The following INTS6 variants were observed in gnomAD, a reference collection of about 807,000 sequenced individuals.
INTS6 encodes DEAD box protein.
In INTS6, 16 loss-of-function variants were observed where a neutral mutation model predicts 104.9. That is an observed-to-expected ratio of 0.15 (90% CI 0.10 to 0.23). The LOEUF (loss-of-function observed/expected upper bound fraction) is 0.23, where lower values mean the gene tolerates loss of function less well. Ranked by LOEUF, INTS6 falls within the 10% of genes least tolerant of loss-of-function variation. The pLI is 1.00. For missense variants in INTS6, 584 were observed against 1,062.8 expected (o/e 0.55, Z 6.26); for synonymous variants, 324 against 358.7 (o/e 0.90, Z 1.09).
At chr13:51,392,523 C>T (rs1956261848) in intron 5 of INTS6, among the ~76,000 whole-genome samples, 1 of 152,244 alleles carries the variant, frequency 6.6e-6, no homozygotes, top group Non-Finnish European at 1.5e-5. Context: ...GCTAGCCTTC[C>T]TGTTGCTTCC....
At chr13:51,401,029 T>C (rs1017774911) in intron 4 of INTS6, among the ~76,000 whole-genome samples, 2 of 152,214 alleles carry the variant, frequency 1.3e-5, no homozygotes, top group African/African-American at 4.8e-5. Flanking sequence ...CAAGTAGTTA[T>C]CTGTACCTCT....
At chr13:51,377,864 A>G (rs1440045076) in intron 12 of INTS6, among the ~76,000 whole-genome samples, 2 of 152,154 alleles carry the variant, frequency 1.3e-5, no homozygotes, top group East Asian at 3.8e-4. Flanking sequence ...GCTGGGATAA[A>G]GATATCTGTA....
In INTS6 at chr13:51,405,622, A is replaced by ATTCAGAGTC. The variant is rs1487970387; in HGVS notation, c.430-10148_430-10140dup. Among the ~76,000 whole-genome samples, 20 of 152,270 alleles carry ATTCAGAGTC rather than the reference A, an allele frequency of 1.3e-4. 1 individual carries two copies. The East Asian group carries it at 2.7e-3, about 21-fold the overall frequency. ...ACAGTACTCCGAAGCACTCAAAGGT[A>ATTCAGAGTC]TTCAGAGTCTAAGTCTTACTAGGCC... On this transcript the variant is annotated intron_variant, in intron 4 of 17. Transcript: ENST00000311234.
At chr13:51,375,749 G>GTGTC (rs1955913270) in intron 13 of INTS6, among the ~76,000 whole-genome samples, 1 of 150,880 alleles carries the variant, frequency 6.6e-6, no homozygotes, top group Admixed American at 6.6e-5. Flanking sequence ...GTGTGTGTGT[G>GTGTC]TGTGTGTGTG....
chr13:51,353,910 C>G (rs768948778), downstream of INTS6, among the ~76,000 whole-genome samples: 2 of 151,944 alleles, frequency 1.3e-5, no homozygotes, highest in Non-Finnish European at 2.9e-5. Flanking sequence ...TATCAGCAGC[C>G]CTTTTAAAGT....
chr13:51,387,360 A>T (rs768660082), intron 7 of INTS6, 26 bp downstream of exon 7: 1 of 1,576,658 alleles, frequency 6.3e-7, no homozygotes, highest in South Asian at 1.2e-5. Flanking sequence ...GGTTACTATT[A>T]CATAGTTACA....
chr13:51,347,026 TG>T, the INTS6 span: 2 of 1,574,516 alleles, frequency 1.3e-6, no homozygotes, highest in South Asian at 1.2e-5. Context: ...TGCTTGCAGG[TG>T]GGGGCCCCAG....
At chr13:51,437,950 A>G (rs1209245312) in intron 3 of INTS6, 1 of 152,264 alleles carries the variant, frequency 6.6e-6, no homozygotes, top group Non-Finnish European at 1.5e-5. Context: ...CAGAGATTAC[A>G]GTAAGCCAAG....
intron 3 of INTS6, chr13:51,437,173 T>A (rs1952706684): frequency 1.3e-5 from 2 of 152,202 alleles, no homozygotes; most frequent in South Asian, 4.1e-4. Flanking sequence ...TGTAAACATA[T>A]TTTCAAAGAT....
At chr13:51,407,329 G>A (rs1453327246) in intron 4 of INTS6, among the ~76,000 whole-genome samples, 1 of 152,172 alleles carries the variant, frequency 6.6e-6, no homozygotes, top group Non-Finnish European at 1.5e-5. Flanking sequence ...AGTTGTGAAG[G>A]GCACTGAGCA....
chr13:51,451,194 ATTTT>A lies in INTS6; in HGVS notation c.190-24_190-21del. The A allele has an allele frequency of 2.3e-6, 3 of 1,311,490 alleles. No individual in the cohort carries two copies. The highest frequency in any genetic ancestry group is 3.1e-6 in the Non-Finnish European group (3 of 977,152). The allele number at this position is 1,311,490 out of a possible 1,614,324, so 81.2% of individuals were successfully genotyped here. A position where few individuals can be genotyped will look rare whatever the true frequency, so the allele number is the denominator to read the frequency against. On this transcript the variant is annotated intron_variant, in intron 2 of 17. Coordinates refer to ENST00000311234, the MANE Select transcript of INTS6 (RefSeq NM_012141.3). Reference sequence around the variant, plus strand: ...TCCAGCCTGAAAAGAAAAATGTAAGATTTTTTTTTTTCATTTTTTAAAGCCATGT... The same window carrying A: ...TCCAGCCTGAAAAGAAAAATGTAAGATTTTTTTCATTTTTTAAAGCCATGT...
At chr13:51,393,071 T>A (rs186006954) in intron 5 of INTS6, among the ~76,000 whole-genome samples, 8 of 149,892 alleles carry the variant, frequency 5.3e-5, no homozygotes, top group African/African-American at 1.7e-4. Flanking sequence ...CATAAACAAC[T>A]AAATTTTTTT....
chr13:51,368,160 G>A (rs1483184749), intron 16 of INTS6, among the ~76,000 whole-genome samples: 1 of 152,064 alleles, frequency 6.6e-6, no homozygotes, highest in Non-Finnish European at 1.5e-5. Context: ...TTAAAAGGAT[G>A]AGTAAATAGC....
At chr13:51,431,527 T>C (rs1256688023) in intron 3 of INTS6, among the ~76,000 whole-genome samples, 1 of 152,218 alleles carries the variant, frequency 6.6e-6, no homozygotes, top group African/African-American at 2.4e-5. Context: ...TAATATTCTA[T>C]GGTCCTATAA....
At chr13:51,449,862 A>G (rs1952998104) in intron 3 of INTS6, 1 of 985,408 alleles carries the variant, frequency 1.0e-6, no homozygotes, top group African/African-American at 1.7e-5. Context: ...AAGAAAGTAC[A>G]TATTTACCTA....
In INTS6 at chr13:51,362,782, G is replaced by A. The variant is rs1955608024; in HGVS notation, c.*2970C>T. On this transcript the variant is annotated 3_prime_UTR_variant, in exon 18 of 18. Transcript: ENST00000311234. ...AAATACTGTCAACATCATTTTATCT[G>A]AGAATCATTTGCATCCTGCTGTACC... 6.6e-6 allele frequency: 1 copy of A among 152,398 alleles called. No homozygotes were observed. The highest frequency in any genetic ancestry group is 1.5e-5 in the Non-Finnish European group (1 of 67,914). The allele number at this position is 152,398 out of a possible 1,614,324, so 9.4% of individuals were successfully genotyped here. A position where few individuals can be genotyped will look rare whatever the true frequency, so the allele number is the denominator to read the frequency against.
chr13:51,342,269 C>G, the INTS6 span, among the ~76,000 whole-genome samples: 1 of 152,148 alleles, frequency 6.6e-6, no homozygotes, highest in South Asian at 2.1e-4. Context: ...AGGGTCATCC[C>G]GGCCTACCCA....
intron 4 of INTS6, among the ~76,000 whole-genome samples, chr13:51,425,054 T>A (rs1956962177): frequency 6.6e-6 from 1 of 152,046 alleles, no homozygotes; most frequent in South Asian, 2.1e-4. Context: ...TGTGGTTTTT[T>A]AATCATTTCA....
At chr13:51,425,130 C>T (rs1386346344) in intron 4 of INTS6, among the ~76,000 whole-genome samples, 2 of 151,946 alleles carry the variant, frequency 1.3e-5, no homozygotes, top group African/African-American at 2.4e-5. Context: ...AAATGCACAT[C>T]ATAATTATAA....
Sources: allele counts gnomAD v4.1 joint callset (sites outside exome capture counted in the v4.1 genomes callset), GRCh38; gene constraint gnomAD v4.1.1; transcripts MANE v1.5; gene names NCBI Gene and HGNC (gene_info 2026-07-23, HGNC 2026-07-21).